BMS1: variants seen among roughly 807,000 people sequenced by gnomAD.
BMS1 encodes BMS1 ribosome biogenesis factor.
BMS1 carries 53 observed loss-of-function variants against 138.7 expected under a neutral mutation model. That is an observed-to-expected ratio of 0.38 (90% CI 0.31 to 0.48). The LOEUF is 0.48. Among genes scored for constraint, BMS1 ranks in the 20% least tolerant of loss-of-function variants. The probability of loss-of-function intolerance (pLI) is 0.97; values close to 1 mark genes in which losing one functional copy is unlikely to be tolerated. For synonymous variants in BMS1, 504 were observed against 539.9 expected (o/e 0.93, Z 0.92); for missense variants, 1,360 against 1,565.5 (o/e 0.87, Z 2.22).
chr10:42,785,021 GC>G (rs1328702069), intron 2 of BMS1, among the ~76,000 whole-genome samples: 1 of 152,100 alleles, frequency 6.6e-6, no homozygotes, highest in Non-Finnish European at 1.5e-5. Flanking sequence ...AATCATTCTT[GC>G]CCTCATTTTA....
chr10:42,787,641 G>T (rs1419798695), intron 4 of BMS1, among the ~76,000 whole-genome samples: 1 of 152,086 alleles, frequency 6.6e-6, no homozygotes, highest in Non-Finnish European at 1.5e-5. Flanking sequence ...ATAAACCCTT[G>T]ATACACCCTT....
chr10:42,818,109 C>T (rs1359597823), intron 15 of BMS1, among the ~76,000 whole-genome samples: 4 of 152,230 alleles, frequency 2.6e-5, no homozygotes, highest in African/African-American at 9.6e-5. Context: ...ATCTGAGTTG[C>T]GTCTTGTTAG....
intron 5 of BMS1, among the ~76,000 whole-genome samples, chr10:42,791,041 G>A (rs1372846663): frequency 6.6e-6 from 1 of 151,584 alleles, no homozygotes; most frequent in Non-Finnish European, 1.5e-5. Context: ...TTGTGTGTGT[G>A]TTCACAGTCT....
rs1387370914 is a variant in BMS1 at position 42,792,976 on chromosome 10, G to C, written c.921G>C (p.Val307=). The change falls in exon 8 of 23, where the codon GTG becomes GTC. Residue 307 remains valine, a synonymous_variant. Transcript: ENST00000374518. The part of the protein sequence containing the change: ...IHMPGVGDFA[V]SDISFLPDPC... ...TTCCAGGGGTAGGAGATTTTGCCGT[G>C]AGTGACATCAGTTTCCTCCCAGACC... 2.7e-5 allele frequency: 44 copies of C among 1,610,940 alleles called. No homozygotes were observed. The highest frequency in any genetic ancestry group is 3.3e-5 in the Non-Finnish European group (39 of 1,179,114).
chr10:42,823,666 T>G lies in BMS1; in HGVS notation c.3338T>G (p.Val1113Gly). ...TCCATCCCAGCGTTCTATAACCCAG[T>G]AACATCTTTGTTGAAACCAGTGGGT... ...PVSIPAFYNP[V>G]TSLLKPVGEK... Residue 1113 changes from valine (V) to glycine (G), a missense_variant, in exon 21 of 23, where the codon GTA (valine) becomes GGA (glycine). Around this residue, in one of 3 missense-constraint regions of BMS1, gnomAD observed 425 missense variants for 568.3 expected, o/e 0.75. Transcript: ENST00000374518. 6.3e-7 allele frequency: 1 copy of G among 1,595,786 alleles called. No homozygotes were observed. The highest frequency in any genetic ancestry group is 8.5e-7 in the Non-Finnish European group (1 of 1,179,474).
intron 2 of BMS1, among the ~76,000 whole-genome samples, chr10:42,785,099 T>C (rs527908833): frequency 6.6e-6 from 1 of 152,340 alleles, no homozygotes; most frequent in Non-Finnish European, 1.5e-5. Flanking sequence ...GTAGGAGAGC[T>C]AAATGTAACT....
chr10:42,825,216 C>T (rs535463211), intron 21 of BMS1, among the ~76,000 whole-genome samples: 2 of 152,216 alleles, frequency 1.3e-5, no homozygotes, highest in South Asian at 2.1e-4. Context: ...ACTATGTTTG[C>T]TGGGCTGGTC....
chr10:42,799,576 AT>A (rs942561476), intron 12 of BMS1, among the ~76,000 whole-genome samples: 14 of 152,066 alleles, frequency 9.2e-5, no homozygotes, highest in Non-Finnish European at 1.3e-4. Context: ...TTATTTAACC[AT>A]TTTTTTATGG....
chr10:42,823,568 C>T, intron 20 of BMS1, 41 bp from the exon 21 acceptor site: 1 of 1,469,292 alleles, frequency 6.8e-7, no homozygotes, highest in Non-Finnish European at 9.0e-7. Context: ...GGATATGAAT[C>T]TTCTTTTGAA....
chr10:42,796,657 T>C lies in BMS1; in HGVS notation c.1413T>C (p.Ala471=). The change falls in exon 10 of 23, where the codon GCT becomes GCC. Residue 471 remains alanine (A), a synonymous_variant. Transcript: ENST00000374518. ...AGGAAGCAGAAGAGGAGGAAAATGCTGAGATGACTGATCAGTATATGGCTG... is the reference window on the plus strand; with the variant it reads ...AGGAAGCAGAAGAGGAGGAAAATGCCGAGATGACTGATCAGTATATGGCTG... ...SDEEAEEEEN[A]EMTDQYMAVK... is the part of the protein sequence containing the mutation. The C allele has an allele frequency of 6.2e-7, 1 of 1,614,170 alleles. No individual in the cohort carries two copies. The highest frequency in any genetic ancestry group is 8.5e-7 in the Non-Finnish European group (1 of 1,180,032).
chr10:42,815,468 A>G (rs1842321217), intron 13 of BMS1, among the ~76,000 whole-genome samples: 1 of 152,200 alleles, frequency 6.6e-6, no homozygotes, highest in Non-Finnish European at 1.5e-5. Flanking sequence ...CCTATCTATT[A>G]TAACTTCTAC....
intron 4 of BMS1, among the ~76,000 whole-genome samples, chr10:42,788,049 CAAAG>C (rs1841391520): frequency 6.6e-6 from 1 of 151,702 alleles, no homozygotes; most frequent in Non-Finnish European, 1.5e-5. Context: ...TGTTTGGTGA[CAAAG>C]AGCTACAGAT....
chr10:42,809,646 C>T (rs1476975602), intron 13 of BMS1, among the ~76,000 whole-genome samples: 2 of 152,122 alleles, frequency 1.3e-5, no homozygotes, highest in Admixed American at 1.3e-4. Flanking sequence ...AGTGGACTTC[C>T]TATGTTGTTC....
Position 42,797,185 on chromosome 10 carries a change from G to A in BMS1, c.1941G>A (p.Glu647=). 6.2e-7 allele frequency: 1 copy of A among 1,611,114 alleles called. No homozygotes were observed. The highest frequency in any genetic ancestry group is 8.5e-7 in the Non-Finnish European group (1 of 1,179,158). The change falls in exon 10 of 23, where the codon GAG becomes GAA. Residue 647 remains glutamate, a synonymous_variant. Transcript: ENST00000374518. ...ETSDIENLLK[E]EEDYKEENND... Reference sequence around the variant, plus strand: ...GTGATATAGAAAATTTACTCAAAGAGGAAGAAGATTACAAGGAAGAAAATA... The same window carrying A: ...GTGATATAGAAAATTTACTCAAAGAAGAAGAAGATTACAAGGAAGAAAATA...
In BMS1 at chr10:42,796,779, C is replaced by T. The variant is rs764454637; in HGVS notation, c.1535C>T (p.Ser512Leu). 9 of 1,614,154 alleles carry T rather than the reference C, an allele frequency of 5.6e-6. No homozygotes were observed. Among genetic ancestry groups the T allele is most frequent in the Non-Finnish European group, 7.6e-6 (9 of 1,180,036 alleles). ...AGTGACGATGACCTTGAGAGGAGCT[C>T]AGCGGAAGAAGGGGAAGCGGAGGAA... ...ADSDDDLERS[S>L]AEEGEAEEAD... Residue 512 changes from serine (S) to leucine (L), a missense_variant, in exon 10 of 23, where the codon TCA becomes TTA. Ser to Leu is a moderately radical substitution (Grantham distance 145). Around this residue, in one of 3 missense-constraint regions of BMS1, gnomAD observed 697 missense variants for 686.2 expected, o/e 1.02. Coordinates refer to ENST00000374518, the MANE Select transcript of BMS1 (RefSeq NM_014753.4).
chr10:42,818,689 T>G (rs1311356287), intron 15 of BMS1, among the ~76,000 whole-genome samples: 1 of 152,174 alleles, frequency 6.6e-6, no homozygotes, highest in Non-Finnish European at 1.5e-5. Flanking sequence ...AAGTGAAATG[T>G]CAGGTCTGGA....
chr10:42,817,590 C>T, intron 15 of BMS1, 96 bp downstream of exon 15: 1 of 1,186,200 alleles, frequency 8.4e-7, no homozygotes, highest in Non-Finnish European at 1.2e-6. Flanking sequence ...TATCCTGCTT[C>T]TGTGTATCCT....
intron 13 of BMS1, among the ~76,000 whole-genome samples, chr10:42,813,036 G>A (rs543808594): frequency 3.9e-5 from 6 of 152,248 alleles, no homozygotes; most frequent in South Asian, 4.2e-4. Context: ...AAAATTCAGC[G>A]AAGACCCTCT....
At position 42,797,074 on chromosome 10, in the gene BMS1, A is replaced by G; in HGVS notation, c.1830A>G (p.Glu610=). 6.2e-7 allele frequency: 1 copy of G among 1,614,206 alleles called. No homozygotes were observed. Among genetic ancestry groups the G allele is most frequent in the Non-Finnish European group, 8.5e-7 (1 of 1,180,034 alleles). ...LSAEEEDSEN[E]EAIRKKLSKP... ...CAGAGGAAGAAGACTCAGAAAATGA[A>G]GAGGCTATTAGAAAAAAGCTTTCAA... Residue 610 remains glutamate, a synonymous_variant, in exon 10 of 23, where the codon GAA becomes GAG. Transcript: ENST00000374518.
Sources: allele counts gnomAD v4.1 joint callset (sites outside exome capture counted in the v4.1 genomes callset), GRCh38; gene constraint gnomAD v4.1.1; regional missense constraint gnomAD v4.1.1; transcripts MANE v1.5; gene names NCBI Gene and HGNC (gene_info 2026-07-23, HGNC 2026-07-21).